Variants in TF observed in about 807,000 individuals in gnomAD.
TF encodes the protein serotransferrin.
Under a neutral mutation model 82.4 loss-of-function variants are expected in TF, and 55 were observed. The ratio of observed to expected loss-of-function variants is 0.67; its 90% CI spans 0.54 to 0.84. The LOEUF (loss-of-function observed/expected upper bound fraction) is 0.84, where lower values mean the gene tolerates loss of function less well. Ranked by LOEUF, TF falls within the 40% of genes least tolerant of loss-of-function variation. The pLI is 0.00. For missense variants in TF, 737 were observed against 868.4 expected, an observed-to-expected ratio of 0.85 and a Z score of 1.90; for synonymous variants, 332 against 332.6, an observed-to-expected ratio of 1.00 and a Z score of 0.02.
In TF at chr3:133,754,654, G is replaced by C; in HGVS notation, c.485G>C (p.Arg162Pro). The C allele has an allele frequency of 1.9e-6, 3 of 1,614,172 alleles. No individual in the cohort carries two copies. The highest frequency in any genetic ancestry group is 2.5e-6 in the Non-Finnish European group (3 of 1,180,026). The change falls in exon 4 of 17, where the codon CGT becomes CCT. Residue 162 changes from arginine to proline, a missense_variant. Transcript: ENST00000402696. ...GLLYCDLPEP[R>P]KPLEKAVANF... ...CTTTACTGTGACTTACCTGAGCCAC[G>C]TAAACCTCTTGAGAAAGGTAAGCTG...
In TF at chr3:133,787,745, A is replaced by C. The variant is rs1236677561; in HGVS notation, c.*9125A>C. Reference sequence around the variant, plus strand: ...ATCCATTGCCTTATATGTTAAATGCATTGCAAGTAACTTTGCTATACTACA... The same window carrying C: ...ATCCATTGCCTTATATGTTAAATGCCTTGCAAGTAACTTTGCTATACTACA... On this transcript the variant is annotated 3_prime_UTR_variant, in exon 17 of 17. Transcript: ENST00000402696. 6.6e-6 allele frequency: 1 copy of C among 152,222 alleles called. No individual in the cohort carries two copies. The highest frequency in any genetic ancestry group is 1.9e-4 in the East Asian group (1 of 5,198). 9.4% of individuals were successfully genotyped at this position (152,222 alleles called of 1,614,324 possible). A position where few individuals can be genotyped will look rare whatever the true frequency, so the allele number is the denominator to read the frequency against.
At chr3:133,701,996 T>C in the TF span, 4 of 153,254 alleles carry the variant, frequency 2.6e-5, no homozygotes, top group Non-Finnish European at 5.8e-5. Flanking sequence ...GAGGGCCAAG[T>C]GTGATGAGTG....
the TF span, among the ~76,000 whole-genome samples, chr3:133,726,902 C>T: frequency 1.2e-4 from 18 of 152,206 alleles, no homozygotes; most frequent in East Asian, 7.7e-4. Context: ...TTTCTGCCTT[C>T]ATTTTGTTAT....
chr3:133,754,430 G>C, intron 3 of TF, 65 bp from the exon 4 acceptor site: 2 of 1,541,510 alleles, frequency 1.3e-6, no homozygotes, highest in Non-Finnish European at 1.8e-6. Context: ...CAAGAGTCCG[G>C]TGGTGATGAG....
At chr3:133,701,011 C>T in the TF span, 1 of 152,556 alleles carries the variant, frequency 6.6e-6, no homozygotes, top group Non-Finnish European at 1.5e-5. Flanking sequence ...CAAGCTGTAC[C>T]TGGGATATGA....
At position 133,749,954 on chromosome 3, in the gene TF, C is replaced by T. The variant is rs183467441; in HGVS notation, c.216+1370C>T. 5.7e-4 allele frequency among the ~76,000 whole-genome samples: 87 copies of T among 152,190 alleles called. 1 individual carries two copies. In the Middle Eastern group the frequency reaches 0.031, roughly 54 times the overall value. On this transcript the variant is annotated intron_variant, in intron 2 of 16. Transcript: ENST00000402696. ...GCTGGTCAGTGTAAATGTGAGGAGG[C>T]CAGCTGTGTCTGATAGCTGGCAGTT...
At chr3:133,685,104 A>G in the TF span, among the ~76,000 whole-genome samples, 4 of 152,228 alleles carry the variant, frequency 2.6e-5, no homozygotes, top group Admixed American at 6.5e-5. Flanking sequence ...GGCAAAAACC[A>G]CATGATTATC....
chr3:133,748,735 G>T, intron 2 of TF, 151 bp downstream of exon 2: 1 of 1,052,152 alleles, frequency 9.5e-7, no homozygotes, highest in Non-Finnish European at 1.4e-6. Context: ...GTGGAAATGG[G>T]GAGGTTTTCT....
the TF span, among the ~76,000 whole-genome samples, chr3:133,726,617 T>G: frequency 4.9e-4 from 75 of 151,546 alleles, no homozygotes; most frequent in African/African-American, 1.8e-3. Flanking sequence ...AGCTCCTGGA[T>G]TCATTAATTT....
At chr3:133,732,538 G>A in the TF span, among the ~76,000 whole-genome samples, 3 of 152,194 alleles carry the variant, frequency 2.0e-5, no homozygotes, top group Non-Finnish European at 4.4e-5. Flanking sequence ...TTTTCACAGT[G>A]TGGAAGTTTT....
chr3:133,776,101 C>T (rs1015417533), intron 15 of TF, among the ~76,000 whole-genome samples: 2 of 152,200 alleles, frequency 1.3e-5, no homozygotes, highest in Non-Finnish European at 2.9e-5. Context: ...CTTTCTGCTC[C>T]CCCTAACCTT....
At position 133,793,585 on chromosome 3, in the gene TF, A is replaced by G. The variant is rs552587319; in HGVS notation, c.*14965A>G. ...ATTGTATGAGATTTCTAAAATTCCA[A>G]TATGTCTGAGTATATGCTATCAATC... On this transcript the variant is annotated 3_prime_UTR_variant, in exon 17 of 17. Coordinates refer to ENST00000402696, the MANE Select transcript of TF (RefSeq NM_001063.4). 4.6e-5 allele frequency: 7 copies of G among 152,178 alleles called. No individual in the cohort carries two copies. Among genetic ancestry groups the G allele is most frequent in the Non-Finnish European group, 8.8e-5 (6 of 68,012 alleles). The allele number at this position is 152,178 out of a possible 1,614,324, so 9.4% of individuals were successfully genotyped here.
Position 133,775,631 on chromosome 3 carries a change from A to T in TF, c.1872+14A>T, listed in dbSNP as rs757932241. 2 of 1,613,348 alleles carry T rather than the reference A, an allele frequency of 1.2e-6. No homozygotes were observed. The highest frequency in any genetic ancestry group is 1.7e-6 in the Non-Finnish European group (2 of 1,179,766). On this transcript the variant is annotated intron_variant, in intron 15 of 16. Coordinates refer to ENST00000402696, the MANE Select transcript of TF (RefSeq NM_001063.4). ...CGTCAACAGCAGGTATGGACCAGCCAGGTCCTCCCACCTTTTCTTCCTAGA... is the reference window on the plus strand; with the variant it reads ...CGTCAACAGCAGGTATGGACCAGCCTGGTCCTCCCACCTTTTCTTCCTAGA...
intron 2 of TF, 36 bp from the exon 3 acceptor site, chr3:133,753,559 C>G (rs1291848357): frequency 6.3e-7 from 1 of 1,590,186 alleles, no homozygotes; most frequent in Non-Finnish European, 8.6e-7. Flanking sequence ...CCTTGGAAGT[C>G]AAGGCTTCAT....
chr3:133,790,271 A>G lies in TF; in HGVS notation c.*11651A>G, dbSNP rs576929516. 3 of 152,344 alleles carry G rather than the reference A, an allele frequency of 2.0e-5. No homozygotes were observed. In the East Asian group the frequency reaches 5.8e-4, roughly 29 times the overall value. The allele number at this position is 152,344 out of a possible 1,614,324, so 9.4% of individuals were successfully genotyped here. ...TAAAATTGTGGAATTGTTCTTAACT[A>G]TAAATTCCCATATCTGATAGTTCAG... On this transcript the variant is annotated 3_prime_UTR_variant, in exon 17 of 17. Coordinates refer to ENST00000402696, the MANE Select transcript of TF (RefSeq NM_001063.4).
Position 133,786,234 on chromosome 3 carries a change from A to AAAAC in TF, c.*7617_*7618insCAAA, listed in dbSNP as rs1553742160. On this transcript the variant is annotated 3_prime_UTR_variant, in exon 17 of 17. Transcript: ENST00000402696. Reference sequence around the variant, plus strand: ...TAAAAAAATAAATTAAAAAAAAAAAAAAAAAACAATACTATTTTTTGAACT... The same window carrying AAAAC: ...TAAAAAAATAAATTAAAAAAAAAAAAAAACAAAAAACAATACTATTTTTTGAACT... 1.0e-4 allele frequency: 8 copies of AAAAC among 77,354 alleles called. No individual in the cohort carries two copies. Among genetic ancestry groups the AAAAC allele is most frequent in the African/African-American group, 2.4e-4 (7 of 28,886 alleles). 4.8% of individuals were successfully genotyped at this position (77,354 alleles called of 1,614,324 possible).
At chr3:133,726,603 A>C in the TF span, among the ~76,000 whole-genome samples, 540 of 152,046 alleles carry the variant, frequency 3.6e-3, 2 homozygotes, top group African/African-American at 0.012. Context: ...CCTTTCAAAA[A>C]ACCAGCTCCT....
chr3:133,721,799 A>T, the TF span, among the ~76,000 whole-genome samples: 1 of 152,098 alleles, frequency 6.6e-6, no homozygotes, highest in African/African-American at 2.4e-5. Flanking sequence ...CAATTGTTAT[A>T]TCTTCTTGTT....
the TF span, among the ~76,000 whole-genome samples, chr3:133,707,190 TCACACACACA>T: frequency 9.7e-5 from 14 of 144,626 alleles, no homozygotes; most frequent in East Asian, 2.1e-4. Context: ...AACCTCAGAG[TCACACACACA>T]CACACACACA....
Sources: allele counts gnomAD v4.1 joint callset (sites outside exome capture counted in the v4.1 genomes callset), GRCh38; gene constraint gnomAD v4.1.1; transcripts MANE v1.5; gene names NCBI Gene and HGNC (gene_info 2026-07-23, HGNC 2026-07-21).